LRRC47: variants seen among roughly 807,000 people sequenced by gnomAD.
LRRC47 encodes leucine-rich repeat-containing protein 47.
LRRC47 carries 31 observed loss-of-function variants against 40.9 expected under a neutral mutation model. That is an observed-to-expected ratio of 0.76 (90% CI 0.57 to 1.02). The LOEUF (loss-of-function observed/expected upper bound fraction) is 1.02, where lower values mean the gene tolerates loss of function less well. LRRC47 is among the 50% of genes least tolerant of loss of function. The pLI, the probability that LRRC47 is intolerant of heterozygous loss-of-function variation, is 0.00. For missense variants in LRRC47, 726 were observed against 796.1 expected, an observed-to-expected ratio of 0.91 and a Z score of 1.06; for synonymous variants, 427 against 371.9, an observed-to-expected ratio of 1.15 and a Z score of -1.70.
chr1:3,792,008 C>T (rs1356335495), intron 1 of LRRC47, among the ~76,000 whole-genome samples: 2 of 152,236 alleles, frequency 1.3e-5, no homozygotes, highest in African/African-American at 4.8e-5. Context: ...CCCGCCTCAG[C>T]CTCCTGAAGG....
Position 3,796,042 on chromosome 1 carries a change from T to C in LRRC47, c.435A>G (p.Pro145=), listed in dbSNP as rs950968092. ...GCGGGGCGCAGCGCGCCAGGTCGGC[T>C]GGCAGCTCGCGCAGCCGGTTGCCGC... ...NLSGNRLREL[P]ADLARCAPRL... The change falls in exon 1 of 7, where the codon CCA becomes CCG. Residue 145 remains proline, a synonymous_variant. Transcript: ENST00000378251. 6.5e-7 allele frequency: 1 copy of C among 1,542,634 alleles called. No individual in the cohort carries two copies. Among genetic ancestry groups the C allele is most frequent in the Admixed American group, 2.0e-5 (1 of 50,844 alleles).
At chr1:3,789,804 G>A (rs1036335752) in intron 1 of LRRC47, among the ~76,000 whole-genome samples, 20 of 152,254 alleles carry the variant, frequency 1.3e-4, no homozygotes, top group East Asian at 9.6e-4. Context: ...CCCTGCTGAC[G>A]AGGTCGCACG....
intron 4 of LRRC47, chr1:3,783,760 T>C (rs902926134): frequency 5.7e-6 from 3 of 523,958 alleles, no homozygotes; most frequent in Admixed American, 6.4e-5. Flanking sequence ...CCCTGTGGAA[T>C]GGCCAATACC....
At chr1:3,795,053 C>CAAAAAAAAAAAA (rs35186516) in intron 1 of LRRC47, among the ~76,000 whole-genome samples, 1 of 61,616 alleles carries the variant, frequency 1.6e-5, no homozygotes, top group Non-Finnish European at 3.2e-5. Flanking sequence ...GACTACATCT[C>CAAAAAAAAAAAA]AAAAAAAAAA....
At position 3,784,076 on chromosome 1, in the gene LRRC47, C is replaced by T; in HGVS notation, c.1230G>A (p.Lys410=). 1 of 1,613,174 alleles carries T rather than the reference C, an allele frequency of 6.2e-7. No homozygotes were observed. Among genetic ancestry groups the T allele is most frequent in the Admixed American group, 1.7e-5 (1 of 59,976 alleles). The change falls in exon 4 of 7, where the codon AAG becomes AAA. Residue 410 remains lysine (K), a synonymous_variant. Coordinates refer to ENST00000378251, the MANE Select transcript of LRRC47 (RefSeq NM_020710.3). ...CCAGCTGCAGCTGCCGCACCAGCTC[C>T]TTGGCCTTGGCTTCTTTCCGCCCCA... ...VPLGRKEAKA[K]ELVRQLQLEA... is the part of the protein sequence containing the mutation.
At chr1:3,788,902 C>T (rs1356286266) in intron 1 of LRRC47, among the ~76,000 whole-genome samples, 3 of 152,216 alleles carry the variant, frequency 2.0e-5, no homozygotes, top group Non-Finnish European at 4.4e-5. Context: ...TGGGGAAGAA[C>T]ACAAGGCAGG....
At chr1:3,792,568 C>T in intron 1 of LRRC47, among the ~76,000 whole-genome samples, 1 of 151,506 alleles carries the variant, frequency 6.6e-6, no homozygotes, top group South Asian at 2.1e-4. Flanking sequence ...TCAAGCGATT[C>T]TCCTGCCTCG....
chr1:3,788,372 T>C (rs1221061381), intron 1 of LRRC47, among the ~76,000 whole-genome samples: 1 of 152,186 alleles, frequency 6.6e-6, no homozygotes, highest in Non-Finnish European at 1.5e-5. Flanking sequence ...CGGTGCCGGC[T>C]CTGCCCCCAG....
intron 3 of LRRC47, among the ~76,000 whole-genome samples, chr1:3,784,527 G>A (rs1406647206): frequency 6.6e-6 from 1 of 152,030 alleles, no homozygotes; most frequent in Admixed American, 6.6e-5. Context: ...TTACTATCGG[G>A]ACAGAGACCA....
At chr1:3,795,565 A>G (rs1226707935) in intron 1 of LRRC47, among the ~76,000 whole-genome samples, 1 of 152,276 alleles carries the variant, frequency 6.6e-6, no homozygotes, top group Non-Finnish European at 1.5e-5. Flanking sequence ...AGGAGAAGCC[A>G]GGTTTGCTAA....
Position 3,782,716 on chromosome 1 carries a change from T to C in LRRC47, c.1358A>G (p.Asp453Gly). 1 of 1,613,308 alleles carries C rather than the reference T, an allele frequency of 6.2e-7. No homozygotes were observed. The highest frequency in any genetic ancestry group is 8.5e-7 in the Non-Finnish European group (1 of 1,179,198). The part of the protein sequence containing the change: ...DGNENYPCLV[D>G]ADGDVISFPP... Reference sequence around the variant, plus strand: ...GAAGGAAATCACATCACCGTCTGCATCCACAAGACACGGGTAATTTTCATT... The same window carrying C: ...GAAGGAAATCACATCACCGTCTGCACCCACAAGACACGGGTAATTTTCATT... The change falls in exon 5 of 7, where the codon GAT becomes GGT. Residue 453 changes from aspartate to glycine, a missense_variant. Transcript: ENST00000378251.
rs1570732586 is a variant in LRRC47 at position 3,778,833 on chromosome 1, G to GA, written c.*2254dup. On this transcript the variant is annotated 3_prime_UTR_variant, in exon 7 of 7. Coordinates refer to ENST00000378251, the MANE Select transcript of LRRC47 (RefSeq NM_020710.3). ...CCCGGGCTGGGCCGGGCCATGCAGAGAAAGGGCAGCCTCTGCCATGGCAGC... is the reference window on the plus strand; with the variant it reads ...CCCGGGCTGGGCCGGGCCATGCAGAGAAAAGGGCAGCCTCTGCCATGGCAGC... The GA allele has an allele frequency of 6.6e-6, 1 of 152,214 alleles. No individual in the cohort carries two copies. Among genetic ancestry groups the GA allele is most frequent in the East Asian group, 1.9e-4 (1 of 5,186 alleles). The allele number at this position is 152,214 out of a possible 1,614,324, so 9.4% of individuals were successfully genotyped here.
chr1:3,789,505 G>A (rs1643607882), intron 1 of LRRC47, among the ~76,000 whole-genome samples: 1 of 152,268 alleles, frequency 6.6e-6, no homozygotes, highest in Non-Finnish European at 1.5e-5. Context: ...AAGGAGGCGG[G>A]CGGGGCCCCA....
At chr1:3,792,457 A>G (rs1643635049) in intron 1 of LRRC47, among the ~76,000 whole-genome samples, 1 of 130,230 alleles carries the variant, frequency 7.7e-6, no homozygotes, top group African/African-American at 3.2e-5. Flanking sequence ...AGAGAGCTGG[A>G]CGCACACTTT....
chr1:3,791,543 G>A (rs1258936357), intron 1 of LRRC47, among the ~76,000 whole-genome samples: 3 of 152,118 alleles, frequency 2.0e-5, no homozygotes, highest in Non-Finnish European at 2.9e-5. Flanking sequence ...CGAAACCTCC[G>A]CCTCCCAGGT....
At chr1:3,792,905 G>A (rs979799471) in intron 1 of LRRC47, among the ~76,000 whole-genome samples, 1 of 152,186 alleles carries the variant, frequency 6.6e-6, no homozygotes, top group African/African-American at 2.4e-5. Flanking sequence ...CTGTCAGGTG[G>A]GAAGGTGGGA....
At position 3,796,279 on chromosome 1, in the gene LRRC47, C is replaced by T. The variant is rs1291963979; in HGVS notation, c.198G>A (p.Pro66=). The T allele has an allele frequency of 2.0e-6, 3 of 1,479,114 alleles. No individual in the cohort carries two copies. Among genetic ancestry groups the T allele is most frequent in the Admixed American group, 2.4e-5 (1 of 42,550 alleles). The allele number at this position is 1,479,114 out of a possible 1,614,324, so 91.6% of individuals were successfully genotyped here. The change falls in exon 1 of 7, where the codon CCG becomes CCA. Residue 66 remains proline (P), a synonymous_variant. Coordinates refer to ENST00000378251, the MANE Select transcript of LRRC47 (RefSeq NM_020710.3). ...EVSGCGSLRA[P]GPGLAQGLPQ... is the part of the protein sequence containing the mutation. ...GCAGGCCCTGCGCCAGGCCAGGCCC[C>T]GGCGCGCGCAAGCTCCCGCAGCCGC...
chr1:3,786,204 G>C (rs929757832), intron 2 of LRRC47, among the ~76,000 whole-genome samples: 2 of 152,156 alleles, frequency 1.3e-5, no homozygotes, highest in Admixed American at 6.5e-5. Flanking sequence ...AAGCTATCCA[G>C]AAATTAGGAT....
Position 3,787,233 on chromosome 1 carries a change from A to C in LRRC47, c.693T>G (p.Asn231Lys). 6.2e-7 allele frequency: 1 copy of C among 1,613,726 alleles called. No individual in the cohort carries two copies. The highest frequency in any genetic ancestry group is 8.5e-7 in the Non-Finnish European group (1 of 1,180,038). The change falls in exon 2 of 7, where the codon AAT becomes AAG. Residue 231 changes from asparagine (N) to lysine (K), a missense_variant. Transcript: ENST00000378251. ...TGTCCCTCAGCTTGTTCCCACGGAA[A>C]TTGATCTCCTTGAGCTTGGGGCAGT... is the stretch of plus-strand genomic sequence containing the variant. ...LADCPKLKEI[N>K]FRGNKLRDKR... is the part of the protein sequence containing the mutation.
Sources: gnomAD v4.1 joint callset for allele counts (sites outside exome capture counted in the v4.1 genomes callset) on GRCh38, gnomAD v4.1.1 for gene constraint, MANE v1.5 for transcripts, NCBI Gene and HGNC (gene_info 2026-07-23, HGNC 2026-07-21) for gene names.